The following KCNH7 variants were observed in gnomAD, a reference collection of about 807,000 sequenced individuals.
KCNH7 encodes potassium voltage-gated channel subfamily H member 7.
Under a neutral mutation model 120.8 loss-of-function variants are expected in KCNH7, and 49 were observed. The ratio of observed to expected loss-of-function variants is 0.41; its 90% CI spans 0.32 to 0.51. The LOEUF (loss-of-function observed/expected upper bound fraction) is 0.51, where lower values mean the gene tolerates loss of function less well. KCNH7 is among the 20% of genes least tolerant of loss of function. The pLI is 0.38. For missense variants in KCNH7, 1,097 were observed against 1,446.6 expected, an observed-to-expected ratio of 0.76 and a Z score of 3.92; for synonymous variants, 547 against 516.1, an observed-to-expected ratio of 1.06 and a Z score of -0.81.
intron 6 of KCNH7, among the ~76,000 whole-genome samples, chr2:162,489,480 G>C (rs1453229359): frequency 6.6e-6 from 1 of 152,160 alleles, no homozygotes; most frequent in Non-Finnish European, 1.5e-5. Flanking sequence ...CGGGCTGAGG[G>C]CTATACAAGC....
Position 162,490,299 on chromosome 2 carries a change from C to T in KCNH7, c.1128+14144G>A, listed in dbSNP as rs574431003. ...ATGCAAACAGGGAACCCAGCCCCAT[C>T]AGCTTAGATATATAGAAGCCCTTGT... On this transcript the variant is annotated intron_variant, in intron 6 of 15. Transcript: ENST00000332142. Among the ~76,000 whole-genome samples the T allele has an allele frequency of 5.9e-5, 9 of 152,344 alleles. No individual in the cohort carries two copies. The South Asian group carries it at 1.9e-3, about 32-fold the overall frequency.
chr2:162,378,654 G>A (rs1010478613), intron 14 of KCNH7, among the ~76,000 whole-genome samples: 2 of 152,180 alleles, frequency 1.3e-5, no homozygotes, highest in East Asian at 3.9e-4. Context: ...TATACATAGA[G>A]ATGGAAAGAA....
At chr2:162,682,931 T>G (rs1312663599) in intron 2 of KCNH7, among the ~76,000 whole-genome samples, 1 of 151,810 alleles carries the variant, frequency 6.6e-6, no homozygotes, top group African/African-American at 2.4e-5. Flanking sequence ...AAGAAAGACT[T>G]TTTATAGTGT....
chr2:162,711,000 GA>G (rs892830453), intron 2 of KCNH7, among the ~76,000 whole-genome samples: 16 of 150,448 alleles, frequency 1.1e-4, no homozygotes, highest in South Asian at 8.4e-4. Context: ...CACAACCACA[GA>G]AAAAAAAACT....
intron 6 of KCNH7, among the ~76,000 whole-genome samples, chr2:162,471,436 G>A (rs920920633): frequency 2.6e-5 from 4 of 152,108 alleles, no homozygotes; most frequent in African/African-American, 4.8e-5. Flanking sequence ...GTGTATACAC[G>A]TGTTTGAGAG....
intron 2 of KCNH7, among the ~76,000 whole-genome samples, chr2:162,715,992 G>A (rs139701968): frequency 2.8e-3 from 420 of 150,456 alleles, no homozygotes; most frequent in African/African-American, 9.9e-3. Flanking sequence ...ACCACACTTC[G>A]GAAGGTCCTT....
chr2:162,737,509 C>A (rs1229836276), intron 2 of KCNH7, among the ~76,000 whole-genome samples: 1 of 151,968 alleles, frequency 6.6e-6, no homozygotes, highest in Non-Finnish European at 1.5e-5. Context: ...AAATATAGAA[C>A]TTTAGCTATA....
At position 162,564,993 on chromosome 2, in the gene KCNH7, G is replaced by A. The variant is rs1407979209; in HGVS notation, c.308-27913C>T. 3.3e-5 allele frequency among the ~76,000 whole-genome samples: 5 copies of A among 152,084 alleles called. No individual in the cohort carries two copies. In the East Asian group the frequency reaches 7.7e-4, roughly 24 times the overall value. ...GCTAATTCAGCTCAGAGATGGATTA[G>A]TAATGGTATATCCCCTTAACCTCCA... On this transcript the variant is annotated intron_variant, in intron 2 of 15. Coordinates refer to ENST00000332142, the MANE Select transcript of KCNH7 (RefSeq NM_033272.4).
chr2:162,791,355 A>C (rs1683936153), intron 2 of KCNH7, among the ~76,000 whole-genome samples: 1 of 152,018 alleles, frequency 6.6e-6, no homozygotes, highest in South Asian at 2.1e-4. Flanking sequence ...ATACTATTGA[A>C]TTTCTAAATT....
chr2:162,472,701 A>G (rs1689586138), intron 6 of KCNH7, among the ~76,000 whole-genome samples: 1 of 152,242 alleles, frequency 6.6e-6, no homozygotes, highest in Non-Finnish European at 1.5e-5. Flanking sequence ...GGGATCTAGA[A>G]CTAGAAATAC....
intron 2 of KCNH7, among the ~76,000 whole-genome samples, chr2:162,654,044 G>A (rs13384550): frequency 0.25 from 37,152 of 150,120 alleles, 7,047 homozygotes; most frequent in African/African-American, 0.52. Flanking sequence ...TAGAACTACC[G>A]GAATAAAACA....
intron 6 of KCNH7, among the ~76,000 whole-genome samples, chr2:162,477,825 C>T (rs1047329920): frequency 1.3e-4 from 19 of 151,716 alleles, no homozygotes; most frequent in Non-Finnish European, 1.2e-4. Context: ...TCTATCCATC[C>T]ATCCATCCAT....
At position 162,836,670 on chromosome 2, in the gene KCNH7, A is replaced by G; in HGVS notation, c.174T>C (p.Asp58=). The G allele has an allele frequency of 6.2e-7, 1 of 1,614,158 alleles. No homozygotes were observed. Among genetic ancestry groups the G allele is most frequent in the Non-Finnish European group, 8.5e-7 (1 of 1,180,024 alleles). ...CGCAGGTGCATGGCTTTTGCATGAC[A>G]TCTGGCCTGGAGAAACCAGTCATCT... ...FCEMTGFSRP[D]VMQKPCTCDF... is the part of the protein sequence containing the mutation. The change falls in exon 2 of 16, where the codon GAT becomes GAC. Residue 58 remains aspartate, a synonymous_variant. Coordinates refer to ENST00000332142, the MANE Select transcript of KCNH7 (RefSeq NM_033272.4).
chr2:162,756,805 C>T (rs1020248261), intron 2 of KCNH7, among the ~76,000 whole-genome samples: 14 of 152,190 alleles, frequency 9.2e-5, no homozygotes, highest in African/African-American at 2.9e-4. Context: ...TTAGAAGATT[C>T]GCTTTAAAGG....
intron 6 of KCNH7, among the ~76,000 whole-genome samples, chr2:162,453,676 C>G (rs1468222866): frequency 6.6e-6 from 1 of 152,176 alleles, no homozygotes; most frequent in African/African-American, 2.4e-5. Flanking sequence ...GAGATGGTAT[C>G]TCACTGTGGT....
At chr2:162,764,277 AT>A (rs1689069072) in intron 2 of KCNH7, among the ~76,000 whole-genome samples, 1 of 152,086 alleles carries the variant, frequency 6.6e-6, no homozygotes, top group Non-Finnish European at 1.5e-5. Flanking sequence ...AGAAGCCATC[AT>A]GCTTTGATTT....
At chr2:162,656,894 A>G (rs949423414) in intron 2 of KCNH7, among the ~76,000 whole-genome samples, 1 of 152,212 alleles carries the variant, frequency 6.6e-6, no homozygotes, top group African/African-American at 2.4e-5. Flanking sequence ...GATAAGAAAA[A>G]TGAGAAATGG....
At chr2:162,547,923 C>A (rs186442748) in intron 2 of KCNH7, among the ~76,000 whole-genome samples, 4 of 151,914 alleles carry the variant, frequency 2.6e-5, no homozygotes, top group East Asian at 3.9e-4. Flanking sequence ...GATACAGAGA[C>A]CTTAGTGGGG....
chr2:162,401,925 T>C (rs867165429), intron 9 of KCNH7, among the ~76,000 whole-genome samples: 1 of 151,858 alleles, frequency 6.6e-6, no homozygotes, highest in Non-Finnish European at 1.5e-5. Context: ...AATAAACTAC[T>C]CATAAATAGT....
Sources: gnomAD v4.1 joint callset for allele counts (sites outside exome capture counted in the v4.1 genomes callset) on GRCh38, gnomAD v4.1.1 for gene constraint, MANE v1.5 for transcripts, NCBI Gene and HGNC (gene_info 2026-07-23, HGNC 2026-07-21) for gene names.